Variants in NFKB1 observed in about 807,000 individuals in gnomAD.
NFKB1 encodes nuclear factor NF-kappa-B p105 subunit.
A neutral mutation model predicts 105.1 loss-of-function variants in NFKB1; 9 were observed. The observed-to-expected ratio is 0.09, with a 90% confidence interval of 0.05 to 0.15. NFKB1 has a LOEUF of 0.15. NFKB1 is among the 10% of genes least tolerant of loss of function. NFKB1 has a pLI of 1.00. For missense variants in NFKB1, 830 were observed against 1,203.7 expected (o/e 0.69, Z 4.59); for synonymous variants, 440 against 442.2 (o/e 1.00, Z 0.06).
chr4:102,587,579 T>G (rs917256808), intron 11 of NFKB1, among the ~76,000 whole-genome samples: 1 of 152,106 alleles, frequency 6.6e-6, no homozygotes, highest in Non-Finnish European at 1.5e-5. Flanking sequence ...AACTATCCAA[T>G]GCAGGGATTA....
At chr4:102,606,738 C>A in intron 17 of NFKB1, 41 bp downstream of exon 17, 1 of 1,571,024 alleles carries the variant, frequency 6.4e-7, no homozygotes, top group Non-Finnish European at 8.7e-7. Flanking sequence ...CTTTCTCCAC[C>A]TTCTAAATAT....
chr4:102,533,662 A>C (rs1261838226), intron 3 of NFKB1, among the ~76,000 whole-genome samples, 183 bp from the exon 4 acceptor site: 1 of 152,232 alleles, frequency 6.6e-6, no homozygotes, highest in African/African-American at 2.4e-5. Flanking sequence ...TGTTAAAATA[A>C]GGGTTAATTT....
chr4:102,541,955 G>T (rs1207173103), intron 5 of NFKB1, among the ~76,000 whole-genome samples: 1 of 152,150 alleles, frequency 6.6e-6, no homozygotes, highest in Non-Finnish European at 1.5e-5. Flanking sequence ...TGCATACTCG[G>T]TCATATGGAG....
chr4:102,610,458 T>C, intron 19 of NFKB1, 117 bp from the exon 20 acceptor site: 1 of 961,348 alleles, frequency 1.0e-6, no homozygotes. Flanking sequence ...TTAAAAATTA[T>C]CCAGGAGATT....
At chr4:102,596,038 C>A in intron 13 of NFKB1, 100 bp from the exon 14 acceptor site, 1 of 698,210 alleles carries the variant, frequency 1.4e-6, no homozygotes, top group African/African-American at 1.8e-5. Context: ...CCTTTTGCAG[C>A]AAACTTGTCT....
At chr4:102,592,167 T>C (rs1726230234) in intron 11 of NFKB1, among the ~76,000 whole-genome samples, 1 of 152,232 alleles carries the variant, frequency 6.6e-6, no homozygotes, top group Admixed American at 6.5e-5. Flanking sequence ...GAAAGTAGTT[T>C]CTTGAGATAG....
chr4:102,539,094 G>T (rs566170416), intron 5 of NFKB1, among the ~76,000 whole-genome samples: 2 of 152,074 alleles, frequency 1.3e-5, no homozygotes, highest in Non-Finnish European at 2.9e-5. Context: ...AAAATTAGCT[G>T]GGTGTGGTGG....
At chr4:102,582,997 A>G in intron 10 of NFKB1, 40 bp downstream of exon 10, 2 of 1,393,508 alleles carry the variant, frequency 1.4e-6, no homozygotes, top group Non-Finnish European at 2.0e-6. Flanking sequence ...TATTATTTTT[A>G]GAGATGGGAT....
chr4:102,544,989 C>T (rs1001536840), intron 5 of NFKB1, among the ~76,000 whole-genome samples: 1 of 152,104 alleles, frequency 6.6e-6, no homozygotes, highest in Non-Finnish European at 1.5e-5. Context: ...TCTCTGGTGG[C>T]TTCTTTTAAA....
intron 3 of NFKB1, among the ~76,000 whole-genome samples, chr4:102,533,223 C>T (rs571198797): frequency 6.6e-6 from 1 of 151,966 alleles, no homozygotes; most frequent in South Asian, 2.1e-4. Context: ...TTGGGAGTGT[C>T]GGGGAGGAAA....
chr4:102,597,444 GT>G, intron 14 of NFKB1, 75 bp from the exon 15 acceptor site: 1 of 1,439,344 alleles, frequency 6.9e-7, no homozygotes, highest in Non-Finnish European at 9.4e-7. Context: ...ATGCTGGTCA[GT>G]TTGTCCTTAA....
chr4:102,590,590 TG>T (rs35031468), intron 11 of NFKB1, among the ~76,000 whole-genome samples: 95,982 of 151,968 alleles, frequency 0.63, 31,343 homozygotes, highest in African/African-American at 0.81. Flanking sequence ...TTTGATGTTT[TG>T]GGGGTACCAC....
At chr4:102,588,337 C>G (rs1032914385) in intron 11 of NFKB1, among the ~76,000 whole-genome samples, 1 of 151,560 alleles carries the variant, frequency 6.6e-6, no homozygotes, top group Non-Finnish European at 1.5e-5. Context: ...CATTGTACTT[C>G]ACAAAAAATT....
chr4:102,551,924 G>C (rs946569371), intron 5 of NFKB1, among the ~76,000 whole-genome samples: 4 of 152,202 alleles, frequency 2.6e-5, no homozygotes, highest in African/African-American at 9.6e-5. Flanking sequence ...TACAAGTACA[G>C]AGTGGAAGAG....
chr4:102,532,125 G>C (rs986571669), intron 3 of NFKB1, among the ~76,000 whole-genome samples: 1 of 152,048 alleles, frequency 6.6e-6, no homozygotes, highest in African/African-American at 2.4e-5. Context: ...AAATGTCCAG[G>C]GGTGAATTTC....
intron 7 of NFKB1, among the ~76,000 whole-genome samples, chr4:102,577,447 TC>T (rs1325849892): frequency 6.6e-6 from 1 of 152,194 alleles, no homozygotes; most frequent in Non-Finnish European, 1.5e-5. Context: ...TGTTTTACCT[TC>T]CCCAACTCAC....
chr4:102,607,587 G>A, intron 18 of NFKB1, 62 bp from the exon 19 acceptor site: 2 of 1,518,216 alleles, frequency 1.3e-6, no homozygotes, highest in Non-Finnish European at 1.8e-6. Flanking sequence ...CACACTGGGA[G>A]GTGGGGACAA....
At chr4:102,549,329 GTGT>G (rs918828143) in intron 5 of NFKB1, among the ~76,000 whole-genome samples, 33 of 149,746 alleles carry the variant, frequency 2.2e-4, no homozygotes, top group African/African-American at 7.6e-4. Context: ...TCCTCTCATG[GTGT>G]TGTTTTATAT....
At chr4:102,511,938 A>G (rs1287398247) in intron 1 of NFKB1, among the ~76,000 whole-genome samples, 2 of 152,174 alleles carry the variant, frequency 1.3e-5, no homozygotes, top group Non-Finnish European at 2.9e-5. Flanking sequence ...TTTGGATTAT[A>G]TGTATGTCAA....
Sources: allele counts gnomAD v4.1 joint callset (sites outside exome capture counted in the v4.1 genomes callset), GRCh38; gene constraint gnomAD v4.1.1; transcripts MANE v1.5; gene names NCBI Gene and HGNC (gene_info 2026-07-23, HGNC 2026-07-21).